ARHGAP21: variants seen among roughly 807,000 people sequenced by gnomAD.
ARHGAP21 encodes rho GTPase-activating protein 21.
Under a neutral mutation model 164.6 loss-of-function variants are expected in ARHGAP21, and 38 were observed. That is an observed-to-expected ratio of 0.23 (90% CI 0.18 to 0.30). The LOEUF is 0.30. Ranked by LOEUF, ARHGAP21 falls within the 10% of genes least tolerant of loss-of-function variation. ARHGAP21 has a pLI of 1.00. For synonymous variants in ARHGAP21, 766 were observed against 857.9 expected, an observed-to-expected ratio of 0.89 and a Z score of 1.87; for missense variants, 1,822 against 2,370.7, an observed-to-expected ratio of 0.77 and a Z score of 4.81.
chr10:24,628,176 T>C (rs976156032), intron 7 of ARHGAP21, among the ~76,000 whole-genome samples: 3 of 152,352 alleles, frequency 2.0e-5, no homozygotes, highest in African/African-American at 7.2e-5. Context: ...CTATGCTGAA[T>C]TGTCAGGGTA....
chr10:24,711,273 A>C (rs984012163), intron 2 of ARHGAP21, among the ~76,000 whole-genome samples: 9 of 152,150 alleles, frequency 5.9e-5, no homozygotes, highest in African/African-American at 2.2e-4. Context: ...AGATGCTGAA[A>C]AATTCTGGGA....
chr10:24,606,819 C>A (rs1046978946), intron 11 of ARHGAP21, among the ~76,000 whole-genome samples: 2 of 152,036 alleles, frequency 1.3e-5, no homozygotes, highest in Non-Finnish European at 2.9e-5. Flanking sequence ...CCAGCCTGGG[C>A]AACAAGAGCA....
At chr10:24,687,503 C>T (rs531676337) in intron 2 of ARHGAP21, among the ~76,000 whole-genome samples, 1 of 152,194 alleles carries the variant, frequency 6.6e-6, no homozygotes, top group African/African-American at 2.4e-5. Context: ...TAGCACATTT[C>T]ACAACAACTA....
In ARHGAP21 at chr10:24,658,902, A is replaced by G. The variant is rs146425016; in HGVS notation, c.268+8083T>C. On this transcript the variant is annotated intron_variant, in intron 4 of 25. Transcript: ENST00000396432. ...GATTTGAACAGAAATTTCTCCACACAACATACACAAATGGCGACAAGCACA... is the reference window on the plus strand; with the variant it reads ...GATTTGAACAGAAATTTCTCCACACGACATACACAAATGGCGACAAGCACA... Among the ~76,000 whole-genome samples the G allele has an allele frequency of 9.3e-3, 1,422 of 152,368 alleles. 15 individuals carry two copies. Among genetic ancestry groups the G allele is most frequent in the Non-Finnish European group, 0.015 (1,022 of 68,036 alleles).
At chr10:24,638,154 C>T (rs143203916) in intron 4 of ARHGAP21, among the ~76,000 whole-genome samples, 68 of 152,162 alleles carry the variant, frequency 4.5e-4, no homozygotes, top group African/African-American at 1.3e-3. Flanking sequence ...TGTGAGCCAC[C>T]GAGCCCGGCC....
chr10:24,638,143 G>A (rs1413644462), intron 4 of ARHGAP21, among the ~76,000 whole-genome samples: 5 of 152,006 alleles, frequency 3.3e-5, no homozygotes, highest in Middle Eastern at 3.2e-3. Context: ...GGGATTACAG[G>A]TGTGAGCCAC....
At chr10:24,696,788 C>T (rs1238591156) in intron 2 of ARHGAP21, among the ~76,000 whole-genome samples, 1 of 152,208 alleles carries the variant, frequency 6.6e-6, no homozygotes, top group Non-Finnish European at 1.5e-5. Context: ...CGTCTATGTG[C>T]TATGTGTTAC....
chr10:24,653,438 T>C (rs557897311), intron 4 of ARHGAP21, among the ~76,000 whole-genome samples: 1 of 152,132 alleles, frequency 6.6e-6, no homozygotes, highest in East Asian at 1.9e-4. Flanking sequence ...TAGCCAGGCG[T>C]GGTGGCGGGC....
In ARHGAP21 at chr10:24,670,213, C is replaced by G; in HGVS notation, c.243+5G>C. On this transcript the variant is annotated splice_donor_5th_base_variant and intron_variant, in intron 3 of 25. Coordinates refer to ENST00000396432, the MANE Select transcript of ARHGAP21 (RefSeq NM_020824.4). ...TTTTCAAGTTGCGGTAACTATTTCT[C>G]TTACCTTATATGAAAATTGAATTGC... The G allele has an allele frequency of 6.4e-7, 1 of 1,570,450 alleles. No individual in the cohort carries two copies. Among genetic ancestry groups the G allele is most frequent in the Non-Finnish European group, 8.6e-7 (1 of 1,156,166 alleles).
chr10:24,669,164 C>T (rs1840467697), intron 3 of ARHGAP21, among the ~76,000 whole-genome samples: 1 of 149,772 alleles, frequency 6.7e-6, no homozygotes. Context: ...TTAAAGTAAC[C>T]AAATATAAAA....
At chr10:24,609,820 A>G (rs1267119448) in intron 9 of ARHGAP21, among the ~76,000 whole-genome samples, 1 of 152,206 alleles carries the variant, frequency 6.6e-6, no homozygotes, top group African/African-American at 2.4e-5. Context: ...TATTTAGTTG[A>G]CCAAACGGAA....
At chr10:24,617,284 C>CATATAT (rs1834045755) in intron 9 of ARHGAP21, among the ~76,000 whole-genome samples, 1 of 151,994 alleles carries the variant, frequency 6.6e-6, no homozygotes, top group Admixed American at 6.5e-5. Flanking sequence ...ATATATCCAG[C>CATATAT]ACATTTTTTT....
intron 2 of ARHGAP21, among the ~76,000 whole-genome samples, chr10:24,676,601 G>A (rs530983021): frequency 3.3e-5 from 5 of 152,192 alleles, no homozygotes; most frequent in Non-Finnish European, 7.3e-5. Flanking sequence ...TCAGGTGATG[G>A]TTATGCTAAA....
In ARHGAP21 at chr10:24,589,428, C is replaced by T. The variant is rs1592921811; in HGVS notation, c.4151-126G>A. 7.9e-6 allele frequency: 6 copies of T among 763,960 alleles called. No individual in the cohort carries two copies. In the East Asian group the frequency reaches 1.7e-4, roughly 22 times the overall value. 47.3% of individuals were successfully genotyped at this position (763,960 alleles called of 1,614,324 possible). ...GAAAGCAAAACTCAAAACAATAGAACACAGTGGATAGTCAGAGCTCACAAA... is the reference window on the plus strand; with the variant it reads ...GAAAGCAAAACTCAAAACAATAGAATACAGTGGATAGTCAGAGCTCACAAA... On this transcript the variant is annotated intron_variant, in intron 24 of 25. Transcript: ENST00000396432.
chr10:24,710,408 G>A (rs1306092057), intron 2 of ARHGAP21, among the ~76,000 whole-genome samples: 1 of 152,110 alleles, frequency 6.6e-6, no homozygotes, highest in Non-Finnish European at 1.5e-5. Context: ...AATCTTCCCA[G>A]GAAGATTTTC....
At position 24,723,746 on chromosome 10, in the gene ARHGAP21, G is replaced by T; in HGVS notation, c.-565C>A. 6.9e-6 allele frequency: 1 copy of T among 145,708 alleles called. No homozygotes were observed. The allele number at this position is 145,708 out of a possible 1,614,324, so 9.0% of individuals were successfully genotyped here. A position where few individuals can be genotyped will look rare whatever the true frequency, so the allele number is the denominator to read the frequency against. The stretch of plus-strand genomic sequence containing the variant: ...CGGCCGGCCGCTCCCAGGCACCGCC[G>T]CGACCTGCCCCGGCCGGCCCCGGGC... On this transcript the variant is annotated 5_prime_UTR_variant, in exon 1 of 26. Transcript: ENST00000396432.
Position 24,584,762 on chromosome 10 carries a change from A to G in ARHGAP21, c.5527T>C (p.Ser1843Pro). The G allele has an allele frequency of 6.2e-7, 1 of 1,613,926 alleles. No homozygotes were observed. The highest frequency in any genetic ancestry group is 8.5e-7 in the Non-Finnish European group (1 of 1,179,870). The change falls in exon 26 of 26, where the codon TCA becomes CCA. Residue 1843 changes from serine to proline, a missense_variant. Transcript: ENST00000396432. ...TCTGAGATGGAAAGGTCCTGGGCTGAGCATTTTGGTTTTAACCGGTTTACA... is the reference window on the plus strand; with the variant it reads ...TCTGAGATGGAAAGGTCCTGGGCTGGGCATTTTGGTTTTAACCGGTTTACA... ...SAVNRLKPKCSAQDLSISDWL... is the reference protein window; with the variant it reads ...SAVNRLKPKCPAQDLSISDWL...
At chr10:24,673,431 A>G (rs1313577545) in intron 2 of ARHGAP21, among the ~76,000 whole-genome samples, 3 of 152,228 alleles carry the variant, frequency 2.0e-5, no homozygotes, top group Non-Finnish European at 4.4e-5. Flanking sequence ...ACATGAACCC[A>G]TGTCAATATT....
chr10:24,680,353 C>T (rs997849317), intron 2 of ARHGAP21, among the ~76,000 whole-genome samples: 3 of 152,058 alleles, frequency 2.0e-5, no homozygotes, highest in African/African-American at 7.2e-5. Flanking sequence ...AAATTTATTT[C>T]TAATGTATTA....
Sources: gnomAD v4.1 joint callset for allele counts (sites outside exome capture counted in the v4.1 genomes callset) on GRCh38, gnomAD v4.1.1 for gene constraint, MANE v1.5 for transcripts, NCBI Gene and HGNC (gene_info 2026-07-23, HGNC 2026-07-21) for gene names.